Variants in RHOT1 observed in about 807,000 individuals in gnomAD.
The protein encoded by RHOT1 is ras homolog family member T1, also known as mitochondrial Rho GTPase 1.
In RHOT1, 27 loss-of-function variants were observed where a neutral mutation model predicts 95.3. The observed-to-expected ratio is 0.28, with a 90% CI of 0.21 to 0.39. RHOT1 has a LOEUF of 0.39. Among genes scored for constraint, RHOT1 ranks in the 10% least tolerant of loss-of-function variants. RHOT1 has a pLI of 1.00. For synonymous variants in RHOT1, 227 were observed against 263.5 expected, an observed-to-expected ratio of 0.86 and a Z score of 1.34; for missense variants, 578 against 786.7, an observed-to-expected ratio of 0.73 and a Z score of 3.17.
chr17:32,182,380 G>A (rs928561711), intron 6 of RHOT1, among the ~76,000 whole-genome samples: 8 of 152,106 alleles, frequency 5.3e-5, no homozygotes, highest in African/African-American at 9.7e-5. Flanking sequence ...TAGCTACTAG[G>A]GAGGCTAGGG....
intron 8 of RHOT1, among the ~76,000 whole-genome samples, chr17:32,189,253 C>A (rs1439295869): frequency 6.6e-6 from 1 of 152,038 alleles, no homozygotes; most frequent in East Asian, 1.9e-4. Flanking sequence ...GAGCCGAGAT[C>A]GTGCCACTGC....
chr17:32,148,037 GGGC>G (rs1268489435), intron 1 of RHOT1, among the ~76,000 whole-genome samples: 2 of 152,106 alleles, frequency 1.3e-5, no homozygotes, highest in East Asian at 3.9e-4. Flanking sequence ...AGGCTGAGGC[GGGC>G]GGATCACAAG....
chr17:32,149,591 C>CTATATATATATATATATATA (rs1162059092), intron 1 of RHOT1, among the ~76,000 whole-genome samples: 2 of 52,700 alleles, frequency 3.8e-5, no homozygotes, highest in African/African-American at 9.7e-5. Flanking sequence ...CCCAGCAGTT[C>CTATATATATATATATATATA]TATATATATA....
At chr17:32,193,944 A>T in intron 10 of RHOT1, 43 bp from the exon 11 acceptor site, 6 of 1,601,152 alleles carry the variant, frequency 3.7e-6, no homozygotes, top group Non-Finnish European at 5.1e-6. Flanking sequence ...CTTTTCTCCT[A>T]TGTGACTCTG....
At chr17:32,190,125 T>C (rs1216569826) in intron 8 of RHOT1, among the ~76,000 whole-genome samples, 1 of 152,116 alleles carries the variant, frequency 6.6e-6, no homozygotes, top group Non-Finnish European at 1.5e-5. Flanking sequence ...GCCAATACCT[T>C]AGAGCTCTTT....
chr17:32,161,859 A>G (rs1442147256), intron 1 of RHOT1, among the ~76,000 whole-genome samples: 2 of 152,188 alleles, frequency 1.3e-5, no homozygotes, highest in Non-Finnish European at 1.5e-5. Context: ...GTGAGTCACA[A>G]AACTCGGGAA....
chr17:32,195,080 C>T (rs2142785880), intron 11 of RHOT1, among the ~76,000 whole-genome samples: 1 of 151,832 alleles, frequency 6.6e-6, no homozygotes, highest in East Asian at 1.9e-4. Context: ...CCGCCTCAGC[C>T]TCCCAAAGTG....
chr17:32,190,251 C>T (rs1390982046), intron 8 of RHOT1, among the ~76,000 whole-genome samples: 2 of 151,922 alleles, frequency 1.3e-5, no homozygotes, highest in South Asian at 2.1e-4. Flanking sequence ...GTTAGGAGAT[C>T]GAGACCATCC....
intron 1 of RHOT1, among the ~76,000 whole-genome samples, chr17:32,149,625 ATATATATATATGTG>A (rs1208516937): frequency 1.1e-5 from 1 of 88,340 alleles, no homozygotes; most frequent in African/African-American, 5.2e-5. Context: ...ATATATATAT[ATATATATATATGTG>A]TGTGTGTGTG....
chr17:32,169,516 A>G (rs2034394396), intron 1 of RHOT1, among the ~76,000 whole-genome samples: 1 of 152,218 alleles, frequency 6.6e-6, no homozygotes, highest in African/African-American at 2.4e-5. Flanking sequence ...ATGATGCTCT[A>G]TGGAAGAAAG....
chr17:32,199,604 G>A, intron 13 of RHOT1, 54 bp downstream of exon 13: 2 of 1,436,864 alleles, frequency 1.4e-6, no homozygotes, highest in Non-Finnish European at 1.9e-6. Context: ...TTAAAATTAT[G>A]GTGTATTACA....
Position 32,223,576 on chromosome 17 carries a change from G to A in RHOT1, c.1863-1040G>A, listed in dbSNP as rs1022325314. On this transcript the variant is annotated intron_variant, in intron 19 of 19. Transcript: ENST00000545287. ...ATTACAGGCACCCACCACCATGCCC[G>A]GCCACTTTTTATATTTTTAGTAGAG... 2.6e-5 allele frequency among the ~76,000 whole-genome samples: 4 copies of A among 151,600 alleles called. No homozygotes were observed. The East Asian group carries it at 5.8e-4, about 22-fold the overall frequency.
intron 11 of RHOT1, among the ~76,000 whole-genome samples, chr17:32,196,886 G>A (rs868537079): frequency 9.9e-5 from 15 of 152,138 alleles, no homozygotes; most frequent in African/African-American, 3.1e-4. Context: ...CACTTTGGGA[G>A]GCTGAGGTGG....
chr17:32,193,221 C>T lies in RHOT1; in HGVS notation c.725C>T (p.Ala242Val), dbSNP rs1281542228. 4 of 1,612,046 alleles carry T rather than the reference C, an allele frequency of 2.5e-6. No homozygotes were observed. The South Asian group carries it at 3.3e-5, about 13-fold the overall frequency. ...VVRKHISDGV[A>V]DSGLTLKGFL... Reference sequence around the variant, plus strand: ...AGAAAACATATAAGTGATGGTGTGGCTGACAGTGGGTTGACCCTGAAAGGT... The same window carrying T: ...AGAAAACATATAAGTGATGGTGTGGTTGACAGTGGGTTGACCCTGAAAGGT... Residue 242 changes from alanine to valine, a missense_variant, in exon 10 of 20, where the codon GCT (alanine) becomes GTT (valine). Ala to Val is a moderately conservative substitution (Grantham distance 64). Transcript: ENST00000545287.
intron 1 of RHOT1, among the ~76,000 whole-genome samples, chr17:32,156,671 G>C (rs2032999757): frequency 6.6e-6 from 1 of 152,236 alleles, no homozygotes; most frequent in African/African-American, 2.4e-5. Flanking sequence ...ATAACATCTA[G>C]TCCACCTATC....
At chr17:32,196,423 C>G (rs2036894555) in intron 11 of RHOT1, among the ~76,000 whole-genome samples, 1 of 152,068 alleles carries the variant, frequency 6.6e-6, no homozygotes, top group Non-Finnish European at 1.5e-5. Context: ...GTCTTTCAGG[C>G]TCAAGAAATC....
intron 1 of RHOT1, among the ~76,000 whole-genome samples, chr17:32,154,992 G>A (rs2032794161): frequency 6.6e-6 from 1 of 152,036 alleles, no homozygotes; most frequent in Non-Finnish European, 1.5e-5. Context: ...GCTGAGGCAG[G>A]AGGATCACCT....
chr17:32,176,326 A>G (rs771782295), intron 6 of RHOT1, 113 bp downstream of exon 6: 1 of 828,390 alleles, frequency 1.2e-6, no homozygotes, highest in Non-Finnish European at 1.9e-6. Context: ...TTTACTAGGT[A>G]ACGTTTTGCC....
intron 14 of RHOT1, 76 bp from the exon 15 acceptor site, chr17:32,202,694 G>T: frequency 9.3e-7 from 1 of 1,080,530 alleles, no homozygotes; most frequent in Non-Finnish European, 1.3e-6. Flanking sequence ...GCCCTATTTT[G>T]CAAAAGGTGG....
Sources: allele counts gnomAD v4.1 joint callset (sites outside exome capture counted in the v4.1 genomes callset), GRCh38; gene constraint gnomAD v4.1.1; transcripts MANE v1.5; gene names NCBI Gene and HGNC (gene_info 2026-07-23, HGNC 2026-07-21).